The following TNR variants were observed in gnomAD, a reference collection of about 807,000 sequenced individuals.
TNR encodes the protein tenascin R, also known as tenascin-R.
Under a neutral mutation model 150.4 loss-of-function variants are expected in TNR, and 45 were observed. That is an observed-to-expected ratio of 0.30 (90% CI 0.24 to 0.38). TNR has a LOEUF of 0.38. TNR is among the 10% of genes least tolerant of loss of function. The pLI is 1.00. For missense variants in TNR, 1,544 were observed against 1,759.1 expected (o/e 0.88, Z 2.19); for synonymous variants, 687 against 678.4 (o/e 1.01, Z -0.20).
At chr1:175,402,433 G>A (rs1012381007) in intron 4 of TNR, among the ~76,000 whole-genome samples, 1 of 149,554 alleles carries the variant, frequency 6.7e-6, no homozygotes, top group Non-Finnish European at 1.5e-5. Context: ...AGCTTTGACA[G>A]TGTAGACTAT....
intron 2 of TNR, among the ~76,000 whole-genome samples, chr1:175,520,994 G>C (rs1009269180): frequency 6.6e-6 from 1 of 152,144 alleles, no homozygotes; most frequent in Admixed American, 6.5e-5. Flanking sequence ...GCAACACCTT[G>C]ACAAGAACAT....
At chr1:175,633,631 C>A (rs896743805) in intron 1 of TNR, among the ~76,000 whole-genome samples, 1 of 151,998 alleles carries the variant, frequency 6.6e-6, no homozygotes, top group Non-Finnish European at 1.5e-5. Context: ...TCGCAAATGC[C>A]ATAAAAATTA....
rs368201449 is a variant in TNR at position 175,403,395 on chromosome 1, A to T, written c.721T>A (p.Ser241Thr). 100 of 1,613,978 alleles carry T rather than the reference A, an allele frequency of 6.2e-5. No individual in the cohort carries two copies. The highest frequency in any genetic ancestry group is 8.0e-5 in the Non-Finnish European group (94 of 1,180,044). Residue 241 changes from serine to threonine, a missense_variant, in exon 4 of 23, where the codon TCC (serine) becomes ACC (threonine). Ser to Thr is a moderately conservative substitution (Grantham distance 58). Coordinates refer to ENST00000367674, the MANE Select transcript of TNR (RefSeq NM_003285.3). ...SELRCPTDCS[S>T]RGLCVDGECV... Reference sequence around the variant, plus strand: ...TCCCCGTCCACGCAGAGCCCCCGGGAGCTGCAGTCTGTTGGGCACCGGAGT... The same window carrying T: ...TCCCCGTCCACGCAGAGCCCCCGGGTGCTGCAGTCTGTTGGGCACCGGAGT...
chr1:175,428,103 A>G (rs1655096317), intron 2 of TNR, among the ~76,000 whole-genome samples: 1 of 152,206 alleles, frequency 6.6e-6, no homozygotes, highest in Non-Finnish European at 1.5e-5. Context: ...AGTAACCTCA[A>G]GATGTGTAAG....
intron 1 of TNR, among the ~76,000 whole-genome samples, chr1:175,661,951 T>G (rs879598384): frequency 6.6e-6 from 1 of 151,908 alleles, no homozygotes; most frequent in South Asian, 2.1e-4. Flanking sequence ...AGCTACTCTT[T>G]TGATGGACCT....
At chr1:175,553,817 A>AACACACACACACACACACACACACACAC (rs58714689) in intron 1 of TNR, among the ~76,000 whole-genome samples, 1 of 145,390 alleles carries the variant, frequency 6.9e-6, no homozygotes, top group Non-Finnish European at 1.5e-5. Flanking sequence ...TACAAGAACA[A>AACACACACACACACACACACACACACAC]ACACACACAC....
intron 1 of TNR, among the ~76,000 whole-genome samples, chr1:175,544,044 C>G (rs1038514202): frequency 6.6e-6 from 1 of 152,124 alleles, no homozygotes; most frequent in African/African-American, 2.4e-5. Flanking sequence ...CAGACAGCAG[C>G]AGGAATGGGT....
intron 1 of TNR, among the ~76,000 whole-genome samples, chr1:175,731,399 CA>C (rs1667637809): frequency 6.6e-6 from 1 of 152,116 alleles, no homozygotes; most frequent in Admixed American, 6.6e-5. Context: ...TTACCTTCAC[CA>C]ATGGTTGTGC....
At chr1:175,537,722 C>T (rs749959146) in intron 1 of TNR, among the ~76,000 whole-genome samples, 2 of 152,210 alleles carry the variant, frequency 1.3e-5, no homozygotes, top group Non-Finnish European at 2.9e-5. Flanking sequence ...CCTTCTGTAT[C>T]CCCATCAGTC....
Position 175,323,268 on chromosome 1 carries a change from C to T in TNR, c.*89G>A. 1.3e-6 allele frequency: 2 copies of T among 1,535,462 alleles called. No homozygotes were observed. The highest frequency in any genetic ancestry group is 1.8e-6 in the Non-Finnish European group (2 of 1,127,494). On this transcript the variant is annotated 3_prime_UTR_variant, in exon 23 of 23. Coordinates refer to ENST00000367674, the MANE Select transcript of TNR (RefSeq NM_003285.3). ...CACATACTCTTAATATGTTGCAAAA[C>T]ACATTGCTATTACCCTCCCCCCTTG...
intron 1 of TNR, among the ~76,000 whole-genome samples, chr1:175,558,016 G>T (rs1434476014): frequency 9.1e-6 from 1 of 109,522 alleles, no homozygotes; most frequent in Non-Finnish European, 1.9e-5. Context: ...GTAAACTATC[G>T]CAAGAACAAA....
chr1:175,386,456 A>G (rs531499537), intron 7 of TNR, among the ~76,000 whole-genome samples, 155 bp from the exon 8 acceptor site: 56 of 152,342 alleles, frequency 3.7e-4, no homozygotes, highest in African/African-American at 1.3e-3. Context: ...AGACACAGTA[A>G]GATGAATATC....
intron 1 of TNR, among the ~76,000 whole-genome samples, chr1:175,668,780 C>A (rs1041432323): frequency 1.3e-5 from 2 of 152,198 alleles, no homozygotes; most frequent in Non-Finnish European, 2.9e-5. Flanking sequence ...TAAAATTGAA[C>A]AACTGAGGCT....
intron 1 of TNR, among the ~76,000 whole-genome samples, chr1:175,575,043 C>A (rs1395556491): frequency 2.0e-5 from 3 of 152,180 alleles, no homozygotes; most frequent in African/African-American, 7.2e-5. Flanking sequence ...TTGCTCTCTG[C>A]CTTCTGGAGG....
At chr1:175,413,606 A>G (rs1654307908) in intron 2 of TNR, among the ~76,000 whole-genome samples, 1 of 152,196 alleles carries the variant, frequency 6.6e-6, no homozygotes, top group South Asian at 2.1e-4. Context: ...TGTATCTCAG[A>G]TGAGTCAAAG....
At chr1:175,433,602 G>A (rs73042473) in intron 2 of TNR, among the ~76,000 whole-genome samples, 2,253 of 152,282 alleles carry the variant, frequency 0.015, 70 homozygotes, top group African/African-American at 0.051. Flanking sequence ...TACTGTCCAG[G>A]ACCTTGGGCA....
intron 1 of TNR, among the ~76,000 whole-genome samples, chr1:175,642,411 A>G (rs1571705622): frequency 6.6e-6 from 1 of 152,204 alleles, no homozygotes; most frequent in Non-Finnish European, 1.5e-5. Flanking sequence ...TCTTCTGGAG[A>G]AGAACCCAGA....
At chr1:175,701,440 AC>A (rs1473189981) in intron 1 of TNR, among the ~76,000 whole-genome samples, 7 of 152,242 alleles carry the variant, frequency 4.6e-5, no homozygotes, top group African/African-American at 1.7e-4. Context: ...AGGGCCATTG[AC>A]AGGAAAGTCT....
chr1:175,623,847 T>A (rs1392340501), intron 1 of TNR, among the ~76,000 whole-genome samples: 3 of 152,252 alleles, frequency 2.0e-5, no homozygotes, highest in Non-Finnish European at 4.4e-5. Context: ...GCCACTGAAG[T>A]GCTCCGGGGC....
Sources: gnomAD v4.1 joint callset for allele counts (sites outside exome capture counted in the v4.1 genomes callset) on GRCh38, gnomAD v4.1.1 for gene constraint, MANE v1.5 for transcripts, NCBI Gene and HGNC (gene_info 2026-07-23, HGNC 2026-07-21) for gene names.